The following CAPN15 variants were observed in gnomAD, a reference collection of about 807,000 sequenced individuals.
CAPN15 encodes the protein calpain 15, also known as calpain-15.
In CAPN15, 53 loss-of-function variants were observed where a neutral mutation model predicts 97.9. The observed-to-expected ratio is 0.54, with a 90% CI of 0.43 to 0.68. CAPN15 has a LOEUF of 0.68. CAPN15 is among the 30% of genes least tolerant of loss of function. The pLI, the probability that CAPN15 is intolerant of heterozygous loss-of-function variation, is 0.00. For missense variants in CAPN15, 1,592 were observed against 1,589.8 expected (o/e 1.00, Z -0.02); for synonymous variants, 922 against 722.5 (o/e 1.28, Z -4.43).
At chr16:540,094 C>T (rs1193837500) in intron 3 of CAPN15, 69 of 985,330 alleles carry the variant, frequency 7.0e-5, no homozygotes, top group Non-Finnish European at 8.0e-5. Context: ...TCTGCCCAGC[C>T]GGCCGTCCTG....
chr16:548,346 C>G, intron 4 of CAPN15, 59 bp downstream of exon 4: 2 of 1,410,754 alleles, frequency 1.4e-6, no homozygotes, highest in Non-Finnish European at 1.9e-6. Flanking sequence ...CCCTCCCCTT[C>G]CTAGGCTTTG....
At chr16:540,013 G>C in intron 3 of CAPN15, 1 of 935,132 alleles carries the variant, frequency 1.1e-6, no homozygotes. Context: ...GTCCTCCCGG[G>C]CTGTGTGTGT....
chr16:538,084 T>TA (rs1365545007), intron 3 of CAPN15: 4 of 152,238 alleles, frequency 2.6e-5, no homozygotes, highest in African/African-American at 7.2e-5. Flanking sequence ...CCACCTGTCT[T>TA]ACGTGGATAC....
chr16:548,569 C>T (rs1437528909), intron 4 of CAPN15, among the ~76,000 whole-genome samples: 5 of 152,264 alleles, frequency 3.3e-5, no homozygotes, highest in Admixed American at 1.3e-4. Context: ...TCTGATGTGC[C>T]GCAGGAGGCG....
Position 554,603 on chromosome 16 carries a change from C to G in CAPN15, c.*1087C>G, listed in dbSNP as rs1233672780. On this transcript the variant is annotated 3_prime_UTR_variant, in exon 14 of 14. Coordinates refer to ENST00000219611, the MANE Select transcript of CAPN15 (RefSeq NM_005632.3). ...TCCACAGTGGCTTCCGACTCAGGCT[C>G]CAATGGACCAAATAAAAGCGTTTTG... The G allele has an allele frequency of 4.4e-6, 2 of 456,248 alleles. No homozygotes were observed. The allele number at this position is 456,248 out of a possible 1,614,324, so 28.3% of individuals were successfully genotyped here.
rs775605202 is a variant in CAPN15, at chr16:546,941, C to T, written c.103C>T (p.Leu35Phe). ...ICEAPRHKPD[L>F]NHILRLSVEE... ...CGAGGCTCCCCGGCACAAGCCCGACCTCAACCACATCCTGCGGCTCAGCGT... is the reference window on the plus strand; with the variant it reads ...CGAGGCTCCCCGGCACAAGCCCGACTTCAACCACATCCTGCGGCTCAGCGT... Residue 35 changes from leucine to phenylalanine, a missense_variant, in exon 4 of 14, where the codon CTC becomes TTC. Transcript: ENST00000219611. 7 of 1,610,810 alleles carry T rather than the reference C, an allele frequency of 4.3e-6. No individual in the cohort carries two copies. The highest frequency in any genetic ancestry group is 5.1e-6 in the Non-Finnish European group (6 of 1,179,892).
chr16:543,022 G>C (rs1350933746), intron 3 of CAPN15, among the ~76,000 whole-genome samples: 4 of 152,170 alleles, frequency 2.6e-5, no homozygotes, highest in African/African-American at 7.2e-5. Flanking sequence ...CTGCACTCCA[G>C]TGTGGGCGAC....
chr16:549,563 G>A (rs2034843856), intron 6 of CAPN15, 52 bp from the exon 7 acceptor site: 2 of 1,507,250 alleles, frequency 1.3e-6, no homozygotes, highest in Non-Finnish European at 8.9e-7. Context: ...TTCTCCCAGG[G>A]CGGGTAGTGT....
At chr16:529,191 G>A (rs2033069092) in intron 1 of CAPN15, among the ~76,000 whole-genome samples, 1 of 152,004 alleles carries the variant, frequency 6.6e-6, no homozygotes, top group Non-Finnish European at 1.5e-5. Context: ...CTCCTTGATT[G>A]GCAGAGGAGC....
chr16:550,266 G>A (rs533965336), intron 7 of CAPN15, among the ~76,000 whole-genome samples: 1 of 152,330 alleles, frequency 6.6e-6, no homozygotes, highest in East Asian at 1.9e-4. Flanking sequence ...GCACCTTGAA[G>A]CTCCCGGAGC....
At position 548,179 on chromosome 16, in the gene CAPN15, G is replaced by A. The variant is rs2034734180; in HGVS notation, c.1341G>A (p.Gly447=). The change falls in exon 4 of 14, where the codon GGG becomes GGA. Residue 447 remains glycine (G), a synonymous_variant. Coordinates refer to ENST00000219611, the MANE Select transcript of CAPN15 (RefSeq NM_005632.3). Reference sequence around the variant, plus strand: ...AGCTCCTGGTGGCCCAGCGGCGGGGGGCCGCGCCCCTGAGGCGCAGGGAGA... The same window carrying A: ...AGCTCCTGGTGGCCCAGCGGCGGGGAGCCGCGCCCCTGAGGCGCAGGGAGA... The part of the protein sequence containing the change: ...TPQLLVAQRR[G]AAPLRRRESM... 1.3e-6 allele frequency: 2 copies of A among 1,532,640 alleles called. No individual in the cohort carries two copies. Among genetic ancestry groups the A allele is most frequent in the Non-Finnish European group, 1.8e-6 (2 of 1,140,670 alleles). The allele number at this position is 1,532,640 out of a possible 1,614,324, so 94.9% of individuals were successfully genotyped here.
intron 1 of CAPN15, among the ~76,000 whole-genome samples, chr16:529,918 C>T (rs1009998341): frequency 1.3e-5 from 2 of 152,108 alleles, no homozygotes; most frequent in Admixed American, 6.5e-5. Flanking sequence ...GCCCCCAACC[C>T]GGGGGCTGCC....
At chr16:537,716 C>A (rs879483331) in intron 3 of CAPN15, 24 of 152,916 alleles carry the variant, frequency 1.6e-4, no homozygotes, top group Non-Finnish European at 2.5e-4. Context: ...AACGCAGGGG[C>A]CGTTTGGGTG....
rs562332002 is a variant in CAPN15, at chr16:552,582, G to A, written c.2738-23G>A. The A allele has an allele frequency of 2.2e-4, 344 of 1,553,904 alleles. 2 individuals are homozygous for A. The highest frequency in any genetic ancestry group is 5.1e-4 in the South Asian group (44 of 86,564). On this transcript the variant is annotated intron_variant, in intron 11 of 13. Transcript: ENST00000219611. The surrounding 1 kb of genome is among the most constrained non-coding windows in gnomAD (Gnocchi z 6.4). Reference sequence around the variant, plus strand: ...GCCCCAGGCCCACGGGGAGGGCTGCGGTTCACACGCCCGTCCTTGTAGCCT... The same window carrying A: ...GCCCCAGGCCCACGGGGAGGGCTGCAGTTCACACGCCCGTCCTTGTAGCCT...
chr16:553,299 A>G, intron 13 of CAPN15, 40 bp from the exon 14 acceptor site: 4 of 1,002,248 alleles, frequency 4.0e-6, no homozygotes, highest in Non-Finnish European at 5.3e-6. Context: ...CCCCATCCCC[A>G]CCCTGCCCTC....
intron 1 of CAPN15, among the ~76,000 whole-genome samples, chr16:531,420 C>G (rs956862029): frequency 1.3e-5 from 2 of 152,142 alleles, no homozygotes; most frequent in Admixed American, 6.5e-5. Context: ...CCTTCTGCCC[C>G]TGCCTGATCC....
In CAPN15 at chr16:554,381, G is replaced by GC. The variant is rs2035305591; in HGVS notation, c.*867dup. On this transcript the variant is annotated 3_prime_UTR_variant, in exon 14 of 14. Transcript: ENST00000219611. Reference sequence around the variant, plus strand: ...CCTGGCCCCTCACTCCCGGCAGCGGGCCGGCCTCGCCCCCACTCCCCCTCC... The same window carrying GC: ...CCTGGCCCCTCACTCCCGGCAGCGGGCCCGGCCTCGCCCCCACTCCCCCTCC... 5.0e-6 allele frequency: 2 copies of GC among 399,172 alleles called. No homozygotes were observed. The highest frequency in any genetic ancestry group is 1.0e-5 in the Non-Finnish European group (2 of 200,144). The allele number at this position is 399,172 out of a possible 1,614,324, so 24.7% of individuals were successfully genotyped here. A position where few individuals can be genotyped will look rare whatever the true frequency, so the allele number is the denominator to read the frequency against.
chr16:533,446 G>T (rs1029559924), intron 1 of CAPN15, among the ~76,000 whole-genome samples: 2 of 152,262 alleles, frequency 1.3e-5, no homozygotes, highest in East Asian at 3.9e-4. Flanking sequence ...GGTGGCACTC[G>T]GGCTGGGGTC....
intron 2 of CAPN15, among the ~76,000 whole-genome samples, chr16:534,668 C>T (rs1415667867): frequency 1.3e-5 from 2 of 152,212 alleles, no homozygotes; most frequent in Non-Finnish European, 2.9e-5. Context: ...TAGTGGCTGG[C>T]TCTTGTTTCC....
Sources: allele counts gnomAD v4.1 joint callset (sites outside exome capture counted in the v4.1 genomes callset), GRCh38; gene constraint gnomAD v4.1.1; non-coding constraint Gnocchi (gnomAD v3.1); transcripts MANE v1.5; gene names NCBI Gene and HGNC (gene_info 2026-07-23, HGNC 2026-07-21).